The following TTC23 variants were observed in gnomAD, a reference collection of about 807,000 sequenced individuals.
TTC23 encodes the protein tetratricopeptide repeat protein 23.
A neutral mutation model predicts 55.1 loss-of-function variants in TTC23; 58 were observed. The ratio of observed to expected loss-of-function variants is 1.05; its 90% CI spans 0.85 to 1.31. TTC23 has a LOEUF of 1.31. Ranked by LOEUF, TTC23 falls within the 50% of genes most tolerant of loss-of-function variation. The pLI is 0.00. For missense variants in TTC23, 516 were observed against 534.4 expected (o/e 0.97, Z 0.34); for synonymous variants, 203 against 199.9 (o/e 1.02, Z -0.13).
intron 8 of TTC23, among the ~76,000 whole-genome samples, chr15:99,204,717 C>A (rs2076482356): frequency 7.3e-6 from 1 of 137,852 alleles, no homozygotes; most frequent in Non-Finnish European, 1.5e-5. Context: ...CTCACTGCAG[C>A]CTCAACCTCC....
At position 99,176,503 on chromosome 15, in the gene TTC23, C is replaced by T. The variant is rs995788318; in HGVS notation, c.760-1348G>A. On this transcript the variant is annotated intron_variant, in intron 9 of 13. Coordinates refer to ENST00000394132, the MANE Select transcript of TTC23 (RefSeq NM_001288615.3). ...GCATATGCCTGCAGTCCCAGCTACTCGGGAGGGCTAAAGCGGGTGAATTGC... is the reference window on the plus strand; with the variant it reads ...GCATATGCCTGCAGTCCCAGCTACTTGGGAGGGCTAAAGCGGGTGAATTGC... 2.6e-5 allele frequency among the ~76,000 whole-genome samples: 4 copies of T among 152,028 alleles called. No homozygotes were observed. The South Asian group carries it at 6.2e-4, about 24-fold the overall frequency.
chr15:99,248,448 T>G (rs2080450405), intron 1 of TTC23: 1 of 152,218 alleles, frequency 6.6e-6, no homozygotes, highest in South Asian at 2.1e-4. Flanking sequence ...TTCCTCAGGC[T>G]GCATGTATTT....
chr15:99,234,172 C>T, intron 4 of TTC23, among the ~76,000 whole-genome samples: 1 of 151,998 alleles, frequency 6.6e-6, no homozygotes, highest in Non-Finnish European at 1.5e-5. Flanking sequence ...ACAACATAAC[C>T]AATTGGATTT....
chr15:99,246,963 A>G (rs2080302706), intron 1 of TTC23, among the ~76,000 whole-genome samples: 1 of 152,136 alleles, frequency 6.6e-6, no homozygotes, highest in African/African-American at 2.4e-5. Flanking sequence ...AAACCAAAAA[A>G]CAATCAGTAA....
At chr15:99,142,296 C>T (rs888971048) in intron 12 of TTC23, among the ~76,000 whole-genome samples, 2 of 152,188 alleles carry the variant, frequency 1.3e-5, no homozygotes, top group African/African-American at 2.4e-5. Context: ...ATGCTTCCCC[C>T]ACTGCCACCC....
intron 12 of TTC23, among the ~76,000 whole-genome samples, chr15:99,153,407 G>A (rs181430744): frequency 6.6e-6 from 1 of 152,240 alleles, no homozygotes; most frequent in Admixed American, 6.5e-5. Context: ...TTAACAAAGA[G>A]GTGTCACACG....
chr15:99,232,432 T>C (rs2079006724), intron 4 of TTC23, among the ~76,000 whole-genome samples: 2 of 147,782 alleles, frequency 1.4e-5, no homozygotes, highest in Non-Finnish European at 3.0e-5. Context: ...TGAGCCAAGA[T>C]CAAGCCACTG....
At chr15:99,179,869 T>C (rs529499214) in intron 9 of TTC23, among the ~76,000 whole-genome samples, 1 of 152,332 alleles carries the variant, frequency 6.6e-6, no homozygotes. Flanking sequence ...GAGGCTTCCT[T>C]AGGGAGTGAG....
intron 5 of TTC23, among the ~76,000 whole-genome samples, chr15:99,225,147 A>G (rs2078285810): frequency 6.6e-6 from 1 of 152,218 alleles, no homozygotes; most frequent in South Asian, 2.1e-4. Context: ...CTTCCCTGAT[A>G]ATAGCCTTGG....
At chr15:99,183,531 C>T (rs1338473880) in intron 9 of TTC23, among the ~76,000 whole-genome samples, 5 of 122,616 alleles carry the variant, frequency 4.1e-5, no homozygotes, top group South Asian at 2.5e-4. Flanking sequence ...TAGTAGATAA[C>T]GGGTTTCACT....
At chr15:99,232,293 C>G (rs867256003) in intron 4 of TTC23, among the ~76,000 whole-genome samples, 13 of 151,428 alleles carry the variant, frequency 8.6e-5, no homozygotes, top group African/African-American at 3.2e-4. Flanking sequence ...TCCTGGCTAA[C>G]ATGGTGAAAC....
At chr15:99,201,726 A>G (rs2076217854) in intron 8 of TTC23, among the ~76,000 whole-genome samples, 1 of 152,184 alleles carries the variant, frequency 6.6e-6, no homozygotes. Flanking sequence ...TGGGAAGGAA[A>G]AAGATTAATA....
At chr15:99,239,466 T>C (rs898563556) in intron 3 of TTC23, among the ~76,000 whole-genome samples, 2 of 151,900 alleles carry the variant, frequency 1.3e-5, no homozygotes, top group African/African-American at 2.4e-5. Context: ...GCCTGGGTGA[T>C]AGAGTGAGAC....
Position 99,156,146 on chromosome 15 carries a change from A to AC in TTC23, c.1143+1dup. The AC allele has an allele frequency of 1.9e-6, 3 of 1,614,104 alleles. No homozygotes were observed. Among genetic ancestry groups the AC allele is most frequent in the Non-Finnish European group, 2.5e-6 (3 of 1,180,022 alleles). ...TCGTGTTAGTACTGGTTCCAGCTTT[A>AC]CCTTCTTCAGTTTCTTGCGGGCCCC... On this transcript the variant is annotated splice_donor_variant, in intron 12 of 13. Transcript: ENST00000394132. LOFTEE classifies it high-confidence loss of function.
intron 12 of TTC23, chr15:99,148,399 CGTTGGCTTTCTT>C (rs1555495141): frequency 1.0e-5 from 1 of 98,070 alleles, no homozygotes. Context: ...ACCTTCTTAG[CGTTGGCTTTCTT>C]GCCTACAGCC....
intron 9 of TTC23, among the ~76,000 whole-genome samples, chr15:99,178,827 G>A (rs868659956): frequency 9.2e-5 from 14 of 152,184 alleles, no homozygotes; most frequent in African/African-American, 3.1e-4. Flanking sequence ...TCCCTGGCAT[G>A]GAGGAAACCC....
chr15:99,221,854 G>C lies in TTC23; in HGVS notation c.191C>G (p.Ala64Gly). The change falls in exon 6 of 14, where the codon GCC (alanine) becomes GGC (glycine). Residue 64 changes from alanine (A) to glycine (G), a missense_variant. By Grantham distance (60) the Ala-to-Gly change is moderately conservative (BLOSUM62 0). Coordinates refer to ENST00000394132, the MANE Select transcript of TTC23 (RefSeq NM_001288615.3). ...SYSNSHEYKQ[A>G]VHELVRCVAL... ...TACGCAACGCACAAGCTCATGGACG[G>C]CCTGTTTGTACTGTTAGGAAGAGAA... 1.9e-6 allele frequency: 3 copies of C among 1,614,068 alleles called. No homozygotes were observed. The highest frequency in any genetic ancestry group is 2.5e-6 in the Non-Finnish European group (3 of 1,179,978).
intron 9 of TTC23, among the ~76,000 whole-genome samples, chr15:99,177,551 A>G (rs1390888259): frequency 1.3e-5 from 2 of 152,236 alleles, no homozygotes; most frequent in Non-Finnish European, 2.9e-5. Context: ...CCGAAAAAAT[A>G]CCAAATGCAA....
intron 6 of TTC23, among the ~76,000 whole-genome samples, chr15:99,220,097 A>G (rs1305202872): frequency 6.6e-6 from 1 of 152,080 alleles, no homozygotes; most frequent in Non-Finnish European, 1.5e-5. Flanking sequence ...AGGAACCTGA[A>G]CTCAATTTAC....
Sources: allele counts gnomAD v4.1 joint callset (sites outside exome capture counted in the v4.1 genomes callset), GRCh38; gene constraint gnomAD v4.1.1; transcripts MANE v1.5; gene names NCBI Gene and HGNC (gene_info 2026-07-23, HGNC 2026-07-21).